The following MYH2 variants were observed in gnomAD, a reference collection of about 807,000 sequenced individuals.
The protein encoded by MYH2 is myosin-2.
Under a neutral mutation model 228.1 loss-of-function variants are expected in MYH2, and 139 were observed. That is an observed-to-expected ratio of 0.61 (90% CI 0.53 to 0.70). The LOEUF (loss-of-function observed/expected upper bound fraction) is 0.70. MYH2 is among the 30% of genes least tolerant of loss of function. The pLI, the probability that MYH2 is intolerant of heterozygous loss-of-function variation, is 0.00. For missense variants in MYH2, 1,809 were observed against 2,357.5 expected (o/e 0.77, Z 4.82); for synonymous variants, 796 against 871.1 (o/e 0.91, Z 1.52).
intron 5 of MYH2, among the ~76,000 whole-genome samples, chr17:10,544,969 C>T (rs758190562): frequency 2.6e-5 from 4 of 151,852 alleles, no homozygotes; most frequent in Non-Finnish European, 5.9e-5. Flanking sequence ...TTTTTTGGCT[C>T]ATAGTAACGG....
In MYH2 at chr17:10,524,868, G is replaced by C. The variant is rs148538539; in HGVS notation, c.4860C>G (p.Leu1620=). The part of the protein sequence containing the change: ...EIRSRNDAIR[L]KKKMEGDLNE... ...TGAGGTCTCCCTCCATCTTCTTCTT[G>C]AGCCTAATGGCATCATTCCTACTCC... Residue 1620 remains leucine (L), a synonymous_variant, in exon 34 of 40, where the codon CTC becomes CTG. Transcript: ENST00000245503. The surrounding 1 kb of genome is among the most constrained non-coding windows in gnomAD (Gnocchi z 4.7). 2,338 of 1,613,950 alleles carry C rather than the reference G, an allele frequency of 1.4e-3. 24 individuals are homozygous for C. In the East Asian group the frequency reaches 0.025, roughly 17 times the overall value.
chr17:10,530,139 G>T, intron 22 of MYH2, 65 bp from the exon 23 acceptor site: 2 of 1,611,200 alleles, frequency 1.2e-6, no homozygotes, highest in Non-Finnish European at 1.7e-6. Context: ...GGATAAGAGT[G>T]TATGTTTCTG....
At chr17:10,539,406 C>T in intron 13 of MYH2, 38 bp downstream of exon 13, 1 of 1,614,074 alleles carries the variant, frequency 6.2e-7, no homozygotes, top group Non-Finnish European at 8.5e-7. Context: ...TATGAAAATG[C>T]TTTCATCCCT....
At chr17:10,535,412 T>A in intron 17 of MYH2, 47 bp from the exon 18 acceptor site, 1 of 1,482,520 alleles carries the variant, frequency 6.7e-7, no homozygotes, top group Non-Finnish European at 9.4e-7. Flanking sequence ...TAGACATGGA[T>A]ATGAGCAGTC....
At chr17:10,545,285 T>C in intron 5 of MYH2, 61 bp downstream of exon 5, 3 of 1,611,746 alleles carry the variant, frequency 1.9e-6, no homozygotes, top group Non-Finnish European at 2.5e-6. Flanking sequence ...GCCTCGAGTC[T>C]CTTTCTCCTA....
intron 28 of MYH2, 66 bp downstream of exon 28, chr17:10,527,682 A>C: frequency 6.2e-7 from 1 of 1,610,820 alleles, no homozygotes; most frequent in Non-Finnish European, 8.5e-7. Context: ...CACTTCACCA[A>C]ATCAGTCCGT....
In MYH2 at chr17:10,537,902, T is replaced by C. The variant is rs1254723693; in HGVS notation, c.1417-67A>G. The C allele has an allele frequency of 7.4e-6, 12 of 1,612,612 alleles. No individual in the cohort carries two copies. Among genetic ancestry groups the C allele is most frequent in the Non-Finnish European group, 1.0e-5 (12 of 1,179,120 alleles). On this transcript the variant is annotated intron_variant, in intron 14 of 39. Coordinates refer to ENST00000245503, the MANE Select transcript of MYH2 (RefSeq NM_017534.6). The surrounding 1 kb of genome is among the most constrained non-coding windows in gnomAD (Gnocchi z 4.0). ...AGTATTTTTTAAAATACAGAACTTT[T>C]CCATTTTAAAAATATGTGTCCAAGA...
rs116747351 is a variant in MYH2 at position 10,546,210 on chromosome 17, A to T, written c.349-708T>A. ...GAAAGTATACAGCAACACTCAGGAA[A>T]TATTTACAAAACGTTTTTAAGTTAT... On this transcript the variant is annotated intron_variant, in intron 4 of 39. Coordinates refer to ENST00000245503, the MANE Select transcript of MYH2 (RefSeq NM_017534.6). Among the ~76,000 whole-genome samples, 721 of 143,280 alleles carry T rather than the reference A, an allele frequency of 5.0e-3. 9 individuals are homozygous for T. Among genetic ancestry groups the T allele is most frequent in the African/African-American group, 0.018 (692 of 38,358 alleles). 94.0% of individuals were successfully genotyped at this position (143,280 alleles called of 152,430 possible). A position where few individuals can be genotyped will look rare whatever the true frequency, so the allele number is the denominator to read the frequency against.
At position 10,540,687 on chromosome 17, in the gene MYH2, C is replaced by T; in HGVS notation, c.915G>A (p.Leu305=). 1 of 1,606,030 alleles carries T rather than the reference C, an allele frequency of 6.2e-7. No individual in the cohort carries two copies. Among genetic ancestry groups the T allele is most frequent in the Non-Finnish European group, 8.5e-7 (1 of 1,172,686 alleles). ...NKKPELIEML[L]ITTNPYDYPF... ...GGTAATCATATGGGTTCGTGGTAAT[C>T]AGAAGCATTTCTAAGTACAGGAAAC... Residue 305 remains leucine (L), a synonymous_variant, in exon 11 of 40, where the codon CTG becomes CTA. Coordinates refer to ENST00000245503, the MANE Select transcript of MYH2 (RefSeq NM_017534.6).
chr17:10,533,386 C>T lies in MYH2; in HGVS notation c.2340G>A (p.Glu780=), dbSNP rs764904892. ...GGGCCAGCTTGTCATCTCGCATCTC[C>T]TCTAGGAGCCCCAGAAGACCAGCTT... ...FFKAGLLGLL[E]EMRDDKLAQL... is the part of the protein sequence containing the mutation. Residue 780 remains glutamate, a synonymous_variant, in exon 21 of 40, where the codon GAG becomes GAA. Coordinates refer to ENST00000245503, the MANE Select transcript of MYH2 (RefSeq NM_017534.6). The T allele has an allele frequency of 1.9e-6, 3 of 1,614,222 alleles. No individual in the cohort carries two copies. Among genetic ancestry groups the T allele is most frequent in the Non-Finnish European group, 2.5e-6 (3 of 1,180,032 alleles).
At chr17:10,538,452 T>A (rs566574613) in intron 14 of MYH2, among the ~76,000 whole-genome samples, 2 of 152,148 alleles carry the variant, frequency 1.3e-5, no homozygotes, top group East Asian at 3.9e-4. Flanking sequence ...CCATTCTGGC[T>A]AACATGGTGA....
In MYH2 at chr17:10,523,491, C is replaced by T. The variant is rs765560187; in HGVS notation, c.5472+5G>A. On this transcript the variant is annotated splice_donor_5th_base_variant and intron_variant, in intron 37 of 39. Transcript: ENST00000245503. ...ATGGAAATAGACAGATATTGGGAGA[C>T]CCACCCTGGCCTCCAGTTTCTGGAT... 3.1e-6 allele frequency: 5 copies of T among 1,614,044 alleles called. No homozygotes were observed. In the African/African-American group the frequency reaches 6.7e-5, roughly 22 times the overall value.
In MYH2 at chr17:10,545,385, A is replaced by C. The variant is rs1567737386; in HGVS notation, c.466T>G (p.Phe156Val). 6.2e-7 allele frequency: 1 copy of C among 1,614,002 alleles called. No individual in the cohort carries two copies. The highest frequency in any genetic ancestry group is 8.5e-7 in the Non-Finnish European group (1 of 1,179,982). ...TGATAGGCGTTGTCAGAGATGGAGA[A>C]GATGTGGGGCGGGGCCTCCTGGCGC... The part of the protein sequence containing the change: ...KKRQEAPPHI[F>V]SISDNAYQFM... Residue 156 changes from phenylalanine to valine, a missense_variant, in exon 5 of 40, where the codon TTC (phenylalanine) becomes GTC (valine). By Grantham distance (50) the Phe-to-Val change is conservative. Around this residue, in one of 9 missense-constraint regions of MYH2, gnomAD observed 373 missense variants for 620.4 expected, o/e 0.60. Coordinates refer to ENST00000245503, the MANE Select transcript of MYH2 (RefSeq NM_017534.6).
intron 4 of MYH2, among the ~76,000 whole-genome samples, chr17:10,545,779 G>C (rs936086299): frequency 1.2e-4 from 19 of 152,214 alleles, no homozygotes; most frequent in African/African-American, 4.6e-4. Context: ...TGTTGCCCAG[G>C]CTGGTCTGGA....
intron 22 of MYH2, among the ~76,000 whole-genome samples, chr17:10,530,729 A>C (rs2073414572): frequency 6.6e-6 from 1 of 152,166 alleles, no homozygotes; most frequent in Non-Finnish European, 1.5e-5. Context: ...TACATTAAGG[A>C]ATGCAGGGTG....
chr17:10,548,076 T>C, intron 2 of MYH2, 136 bp from the exon 3 acceptor site: 1 of 763,726 alleles, frequency 1.3e-6, no homozygotes, highest in Middle Eastern at 3.7e-4. Context: ...CTATAGTTAC[T>C]GAGACAAACA....
At chr17:10,542,273 CAACA>C (rs71365774) in intron 10 of MYH2, among the ~76,000 whole-genome samples, 19 of 151,036 alleles carry the variant, frequency 1.3e-4, no homozygotes, top group African/African-American at 3.6e-4. Flanking sequence ...GACTCCATCT[CAACA>C]AACAAACAAA....
Position 10,525,698 on chromosome 17 carries a change from C to T in MYH2, c.4366G>A (p.Asp1456Asn), listed in dbSNP as rs761573741. ...GAAGATGCTGGAGGAATTACCTTAT[C>T]GAAGTTCCTTTGCTTTTTGTCAAGG... is the stretch of plus-strand genomic sequence containing the variant. ...AALDKKQRNF[D>N]KILAEWKQKC... The change falls in exon 31 of 40, where the codon GAT (aspartate) becomes AAT (asparagine). Residue 1456 changes from aspartate (D) to asparagine (N), a missense_variant. Physicochemically the swap from Asp to Asn is conservative, Grantham distance 23. This residue lies in a region of MYH2 where 636 missense variants were observed against 729.9 expected (regional missense o/e 0.87). Transcript: ENST00000245503. The surrounding 1 kb of genome is among the most constrained non-coding windows in gnomAD (Gnocchi z 4.2). The T allele has an allele frequency of 9.3e-6, 15 of 1,614,046 alleles. No homozygotes were observed. The highest frequency in any genetic ancestry group is 5.3e-5 in the African/African-American group (4 of 74,914).
At chr17:10,539,103 T>G (rs2073518822) in intron 14 of MYH2, 102 bp downstream of exon 14, 3 of 1,600,628 alleles carry the variant, frequency 1.9e-6, no homozygotes, top group Non-Finnish European at 2.6e-6. Flanking sequence ...TAAAATAATT[T>G]CTACAGTGGT....
Sources: gnomAD v4.1 joint callset for allele counts (sites outside exome capture counted in the v4.1 genomes callset) on GRCh38, gnomAD v4.1.1 for gene constraint, gnomAD v4.1.1 regional missense constraint, Gnocchi (gnomAD v3.1) non-coding constraint, MANE v1.5 for transcripts, NCBI Gene and HGNC (gene_info 2026-07-23, HGNC 2026-07-21) for gene names.